Variants in SH3RF1 observed in about 807,000 individuals in gnomAD.
SH3RF1 encodes E3 ubiquitin-protein ligase SH3RF1.
Under a neutral mutation model 74.0 loss-of-function variants are expected in SH3RF1, and 32 were observed. The observed-to-expected ratio is 0.43, with a 90% CI of 0.33 to 0.58. The LOEUF (loss-of-function observed/expected upper bound fraction) is 0.58. Among genes scored for constraint, SH3RF1 ranks in the 20% least tolerant of loss-of-function variants. SH3RF1 has a pLI of 0.05. For missense variants in SH3RF1, 954 were observed against 1,130.9 expected, an observed-to-expected ratio of 0.84 and a Z score of 2.24; for synonymous variants, 396 against 439.6, an observed-to-expected ratio of 0.90 and a Z score of 1.24.
At position 169,197,670 on chromosome 4, in the gene SH3RF1, A is replaced by G. The variant is rs544145114; in HGVS notation, c.394-40991T>C. 7.3e-5 allele frequency among the ~76,000 whole-genome samples: 11 copies of G among 150,128 alleles called. No individual in the cohort carries two copies. The East Asian group carries it at 2.2e-3, about 30-fold the overall frequency. ...CCTTAGAATAATTGTGTTTGTTGTTATATGTCTTATAAAACAAATTGTGTA... is the reference window on the plus strand; with the variant it reads ...CCTTAGAATAATTGTGTTTGTTGTTGTATGTCTTATAAAACAAATTGTGTA... On this transcript the variant is annotated intron_variant, in intron 2 of 11. Coordinates refer to ENST00000284637, the MANE Select transcript of SH3RF1 (RefSeq NM_020870.4).
At chr4:169,151,382 T>G (rs1410451257) in intron 4 of SH3RF1, among the ~76,000 whole-genome samples, 1 of 152,240 alleles carries the variant, frequency 6.6e-6, no homozygotes, top group Non-Finnish European at 1.5e-5. Flanking sequence ...CAGGCACTAT[T>G]CTTAAGTATC....
intron 2 of SH3RF1, among the ~76,000 whole-genome samples, chr4:169,183,163 G>A (rs1005413045): frequency 6.6e-6 from 1 of 152,148 alleles, no homozygotes; most frequent in Non-Finnish European, 1.5e-5. Context: ...AGCCAGGCAT[G>A]GTGGAAGGCA....
intron 2 of SH3RF1, chr4:169,217,209 A>G (rs1169633721): frequency 1.3e-5 from 2 of 151,826 alleles, no homozygotes; most frequent in African/African-American, 2.4e-5. Context: ...TTTTCTTGCT[A>G]TTTCTTATAT....
intron 2 of SH3RF1, among the ~76,000 whole-genome samples, chr4:169,226,969 C>T: frequency 6.6e-6 from 1 of 152,028 alleles, no homozygotes; most frequent in East Asian, 1.9e-4. Flanking sequence ...GAGTTTGAGA[C>T]CACCCTGGTC....
rs1457549057 is a variant in SH3RF1, at chr4:169,095,640, T to C, written c.*879A>G. The C allele has an allele frequency of 6.5e-6, 1 of 152,674 alleles. No homozygotes were observed. The highest frequency in any genetic ancestry group is 6.5e-5 in the Admixed American group (1 of 15,286). 9.5% of individuals were successfully genotyped at this position (152,674 alleles called of 1,614,324 possible). On this transcript the variant is annotated 3_prime_UTR_variant, in exon 12 of 12. Coordinates refer to ENST00000284637, the MANE Select transcript of SH3RF1 (RefSeq NM_020870.4). ...GGGTAAAATGTGAAATGACGCTTCA[T>C]AGCCATTCTCAGACAGTGACTACAA...
chr4:169,216,500 T>C (rs957398011), intron 2 of SH3RF1, among the ~76,000 whole-genome samples: 4 of 152,212 alleles, frequency 2.6e-5, no homozygotes, highest in Non-Finnish European at 5.9e-5. Context: ...AAATAAAATC[T>C]ATGCATTTAC....
chr4:169,156,897 C>T (rs749464699), intron 2 of SH3RF1, among the ~76,000 whole-genome samples: 7 of 152,142 alleles, frequency 4.6e-5, no homozygotes, highest in Non-Finnish European at 7.4e-5. Context: ...CACCCATGCA[C>T]CAGCCATGAT....
At chr4:169,227,347 G>A (rs1365552665) in intron 2 of SH3RF1, among the ~76,000 whole-genome samples, 1 of 152,116 alleles carries the variant, frequency 6.6e-6, no homozygotes. Flanking sequence ...TCTCTCTTAT[G>A]TGCATTTGAA....
intron 4 of SH3RF1, among the ~76,000 whole-genome samples, chr4:169,145,037 G>A (rs976357898): frequency 6.6e-6 from 1 of 152,150 alleles, no homozygotes; most frequent in Non-Finnish European, 1.5e-5. Flanking sequence ...AAGAGTTTCA[G>A]AGAGATTAAG....
chr4:169,189,798 T>C (rs1734669685), intron 2 of SH3RF1, among the ~76,000 whole-genome samples: 1 of 152,126 alleles, frequency 6.6e-6, no homozygotes, highest in African/African-American at 2.4e-5. Flanking sequence ...AGATCAAGTA[T>C]GAAAAGCACC....
intron 2 of SH3RF1, among the ~76,000 whole-genome samples, chr4:169,195,697 G>GT (rs1734797283): frequency 6.6e-6 from 1 of 151,680 alleles, no homozygotes; most frequent in South Asian, 2.1e-4. Flanking sequence ...TTCTTTAGTT[G>GT]TATCTGATTT....
chr4:169,228,726 T>C (rs961849737), intron 2 of SH3RF1, among the ~76,000 whole-genome samples: 1 of 152,160 alleles, frequency 6.6e-6, no homozygotes, highest in South Asian at 2.1e-4. Flanking sequence ...GACACATTAG[T>C]CTGCCTACTG....
chr4:169,204,794 C>T (rs1160707016), intron 2 of SH3RF1, among the ~76,000 whole-genome samples: 1 of 152,082 alleles, frequency 6.6e-6, no homozygotes, highest in African/African-American at 2.4e-5. Context: ...CGTGATCCAC[C>T]CGCCTCGGCC....
intron 4 of SH3RF1, among the ~76,000 whole-genome samples, chr4:169,145,458 C>T (rs113233932): frequency 4.3e-5 from 6 of 139,844 alleles, no homozygotes; most frequent in South Asian, 2.4e-4. Context: ...CTATTGGGTA[C>T]GATGTTCACC....
chr4:169,193,727 G>C (rs532418537), intron 2 of SH3RF1, among the ~76,000 whole-genome samples: 2 of 152,296 alleles, frequency 1.3e-5, no homozygotes, highest in African/African-American at 2.4e-5. Flanking sequence ...TCACCTGAAG[G>C]AAAGGTCCCT....
At chr4:169,117,847 A>C (rs1425165887) in intron 8 of SH3RF1, 65 bp from the exon 9 acceptor site, 2 of 1,539,786 alleles carry the variant, frequency 1.3e-6, no homozygotes, top group Non-Finnish European at 8.8e-7. Flanking sequence ...AGAACAATTA[A>C]ATGCAAGAAA....
At chr4:169,096,762 C>G in intron 11 of SH3RF1, 75 bp from the exon 12 acceptor site, 1 of 1,348,174 alleles carries the variant, frequency 7.4e-7, no homozygotes, top group Non-Finnish European at 1.0e-6. Context: ...TTAGTCTGCA[C>G]GAACCTTCAA....
intron 4 of SH3RF1, among the ~76,000 whole-genome samples, chr4:169,151,524 G>C (rs765596103): frequency 7.9e-5 from 12 of 152,204 alleles, no homozygotes; most frequent in Non-Finnish European, 1.0e-4. Context: ...GCACCAGTAT[G>C]TGTTTGGGGT....
chr4:169,127,612 G>A (rs1030417410), intron 6 of SH3RF1, among the ~76,000 whole-genome samples: 1 of 152,174 alleles, frequency 6.6e-6, no homozygotes, highest in Non-Finnish European at 1.5e-5. Context: ...AATGAAATTG[G>A]CACAGTAGAC....
Sources: gnomAD v4.1 joint callset for allele counts (sites outside exome capture counted in the v4.1 genomes callset) on GRCh38, gnomAD v4.1.1 for gene constraint, MANE v1.5 for transcripts, NCBI Gene and HGNC (gene_info 2026-07-23, HGNC 2026-07-21) for gene names.